SCGB2B2: variants seen among roughly 807,000 people sequenced by gnomAD.
SCGB2B2 encodes secretoglobin family 2B member 2, also known as secretoglobin-like protein.
A neutral mutation model predicts 7.6 loss-of-function variants in SCGB2B2; 11 were observed. The observed-to-expected ratio is 1.45, with a 90% CI of 0.91 to 2.40. SCGB2B2 has a LOEUF of 2.40. Among genes scored for constraint, SCGB2B2 ranks in the 30% most tolerant of loss-of-function variants. SCGB2B2 has a pLI of 0.00. For missense variants in SCGB2B2, 104 were observed against 115.4 expected (o/e 0.90, Z 0.45); for synonymous variants, 50 against 48.6 (o/e 1.03, Z -0.12).
chr19:34,662,451 G>A (rs939326624), intron 1 of SCGB2B2, among the ~76,000 whole-genome samples: 2 of 150,862 alleles, frequency 1.3e-5, no homozygotes, highest in Admixed American at 6.6e-5. Context: ...TTTTTCCAAA[G>A]GAATAAAACC....
At chr19:34,589,053 T>C (rs1485560222), downstream of SCGB2B2, among the ~76,000 whole-genome samples, 2 of 151,972 alleles carry the variant, frequency 1.3e-5, no homozygotes, top group East Asian at 1.9e-4. Context: ...TGCTGAGAGA[T>C]ATGGGTAGGT....
rs1232935235 is a variant in SCGB2B2 at position 34,594,493 on chromosome 19, T to C, written c.61+10A>G. 2 of 1,613,030 alleles carry C rather than the reference T, an allele frequency of 1.2e-6. No homozygotes were observed. The highest frequency in any genetic ancestry group is 2.7e-5 in the African/African-American group (2 of 74,280). ...CCGCTTCCTCCCAGCCCTGCTCGCC[T>C]CTTTCTTACCCAGCTGGACGCTGCA... On this transcript the variant is annotated intron_variant, in intron 2 of 3. Transcript: ENST00000601241.
intron 1 of SCGB2B2, among the ~76,000 whole-genome samples, chr19:34,663,312 G>C (rs1199767045): frequency 6.6e-6 from 1 of 152,164 alleles, no homozygotes; most frequent in Non-Finnish European, 1.5e-5. Context: ...TGTGTGCCAG[G>C]ACATCCACAC....
At chr19:34,603,829 C>T (rs1184840962) in intron 1 of SCGB2B2, among the ~76,000 whole-genome samples, 1 of 128,210 alleles carries the variant, frequency 7.8e-6, no homozygotes, top group Non-Finnish European at 1.6e-5. Context: ...TAACGTCTCA[C>T]TATATTGCCC....
chr19:34,647,131 C>T (rs964786445), intron 1 of SCGB2B2, among the ~76,000 whole-genome samples: 7 of 152,176 alleles, frequency 4.6e-5, no homozygotes, highest in African/African-American at 7.2e-5. Flanking sequence ...CTCTGCTCCT[C>T]GGGCTGTTGG....
intron 1 of SCGB2B2, among the ~76,000 whole-genome samples, chr19:34,658,761 A>G (rs940627084): frequency 6.7e-6 from 1 of 149,716 alleles, no homozygotes; most frequent in African/African-American, 2.5e-5. Context: ...TGAGGCCAGC[A>G]TCATCCTGAT....
intron 1 of SCGB2B2, among the ~76,000 whole-genome samples, chr19:34,612,045 T>TAGG (rs2065946527): frequency 9.6e-6 from 1 of 104,432 alleles, no homozygotes; most frequent in Admixed American, 9.4e-5. Flanking sequence ...TTTTTTTTTT[T>TAGG]TTTTTTTTTT....
At chr19:34,643,902 A>G (rs2066915461) in intron 1 of SCGB2B2, among the ~76,000 whole-genome samples, 1 of 152,108 alleles carries the variant, frequency 6.6e-6, no homozygotes, top group Non-Finnish European at 1.5e-5. Flanking sequence ...CAGAAAGTTA[A>G]GCAGAAAAAA....
downstream of SCGB2B2, among the ~76,000 whole-genome samples, chr19:34,586,007 T>A (rs191166043): frequency 1.0e-3 from 154 of 152,334 alleles, no homozygotes; most frequent in Non-Finnish European, 1.9e-3. Context: ...ATACCTAAAG[T>A]GTATAGTTTA....
At chr19:34,609,725 C>A (rs994041594) in intron 1 of SCGB2B2, among the ~76,000 whole-genome samples, 11 of 151,962 alleles carry the variant, frequency 7.2e-5, no homozygotes, top group Admixed American at 3.3e-4. Flanking sequence ...AAAACTATAG[C>A]TTTATAGTCT....
At position 34,617,854 on chromosome 19, in the gene SCGB2B2, G is replaced by A. The variant is rs150002757; in HGVS notation, c.-2031-21260C>T. ...AGATAGCTCTTATTATTTTGAAATC[G>A]TTGGAAAAGCGCAGTATTCGGGTGG... On this transcript the variant is annotated intron_variant, in intron 1 of 3. Transcript: ENST00000601241. 7.6e-3 allele frequency among the ~76,000 whole-genome samples: 1,158 copies of A among 152,194 alleles called. 11 individuals are homozygous for A. The highest frequency in any genetic ancestry group is 0.027 in the African/African-American group (1,110 of 41,516).
At chr19:34,593,848 A>C (rs2065363620) in intron 3 of SCGB2B2, among the ~76,000 whole-genome samples, 1 of 151,998 alleles carries the variant, frequency 6.6e-6, no homozygotes, top group African/African-American at 2.4e-5. Context: ...TGCTGTTAAC[A>C]GCGTCCTGTG....
In SCGB2B2 at chr19:34,597,713, C is replaced by T. The variant is rs373147309; in HGVS notation, c.-2031-1119G>A. Among the ~76,000 whole-genome samples the T allele has an allele frequency of 5.6e-3, 860 of 152,300 alleles. 8 individuals are homozygous for T. Among genetic ancestry groups the T allele is most frequent in the African/African-American group, 0.02 (827 of 41,558 alleles). ...GCCTTCCCTGCACCCTCATGGCCAC[C>T]GTTTCAGAGGGAAGACAACAATTAT... On this transcript the variant is annotated intron_variant, in intron 1 of 3. Transcript: ENST00000601241.
chr19:34,632,304 TG>T (rs1289757517), intron 1 of SCGB2B2, among the ~76,000 whole-genome samples: 1 of 152,206 alleles, frequency 6.6e-6, no homozygotes, highest in Non-Finnish European at 1.5e-5. Context: ...TAGGACAGAC[TG>T]TTAAGATGAA....
At position 34,625,821 on chromosome 19, in the gene SCGB2B2, C is replaced by T. The variant is rs186423986; in HGVS notation, c.-2031-29227G>A. Reference sequence around the variant, plus strand: ...GATCTGAGAACGGACAGACTGCCTCCTCAAGTGGGTCCCTGACCCCCGAGT... The same window carrying T: ...GATCTGAGAACGGACAGACTGCCTCTTCAAGTGGGTCCCTGACCCCCGAGT... On this transcript the variant is annotated intron_variant, in intron 1 of 3. Transcript: ENST00000601241. Among the ~76,000 whole-genome samples, 129 of 152,334 alleles carry T rather than the reference C, an allele frequency of 8.5e-4. 1 individual carries two copies. The East Asian group carries it at 0.017, about 20-fold the overall frequency.
downstream of SCGB2B2, among the ~76,000 whole-genome samples, chr19:34,586,741 G>A (rs961888291): frequency 6.6e-6 from 1 of 152,156 alleles, no homozygotes; most frequent in Non-Finnish European, 1.5e-5. Context: ...CCACAATAGA[G>A]ATGCCATTTT....
At chr19:34,628,894 A>T (rs2066452462) in intron 1 of SCGB2B2, among the ~76,000 whole-genome samples, 1 of 152,016 alleles carries the variant, frequency 6.6e-6, no homozygotes, top group Non-Finnish European at 1.5e-5. Context: ...AACCGAATCC[A>T]GCAGCACATC....
rs897869984 is a variant in SCGB2B2 at position 34,608,399 on chromosome 19, C to T, written c.-2031-11805G>A. 6.0e-5 allele frequency among the ~76,000 whole-genome samples: 9 copies of T among 150,972 alleles called. No homozygotes were observed. The East Asian group carries it at 1.6e-3, about 26-fold the overall frequency. Reference sequence around the variant, plus strand: ...GTGCTATAGAAAACTAGAACTTATTCCTCCTATCTAGTTGCACTTTGTACC... The same window carrying T: ...GTGCTATAGAAAACTAGAACTTATTTCTCCTATCTAGTTGCACTTTGTACC... On this transcript the variant is annotated intron_variant, in intron 1 of 3. Coordinates refer to ENST00000601241, the MANE Select transcript of SCGB2B2 (RefSeq NM_001025591.4).
intron 1 of SCGB2B2, among the ~76,000 whole-genome samples, chr19:34,671,578 G>C (rs1166144445): frequency 6.6e-6 from 1 of 152,132 alleles, no homozygotes; most frequent in African/African-American, 2.4e-5. Flanking sequence ...AGAAGAATTA[G>C]CACATTAACA....
Sources: allele counts gnomAD v4.1 joint callset (sites outside exome capture counted in the v4.1 genomes callset), GRCh38; gene constraint gnomAD v4.1.1; transcripts MANE v1.5; gene names NCBI Gene and HGNC (gene_info 2026-07-23, HGNC 2026-07-21).